The following PCDHAC1 variants were observed in gnomAD, a reference collection of about 807,000 sequenced individuals.
The protein encoded by PCDHAC1 is protocadherin alpha subfamily C, 1.
A neutral mutation model predicts 60.0 loss-of-function variants in PCDHAC1; 42 were observed. The observed-to-expected ratio is 0.70, with a 90% CI of 0.55 to 0.90. PCDHAC1 has a LOEUF of 0.90. Ranked by LOEUF, PCDHAC1 falls within the 40% of genes least tolerant of loss-of-function variation. The pLI, the probability that PCDHAC1 is intolerant of heterozygous loss-of-function variation, is 0.00. For missense variants in PCDHAC1, 1,160 were observed against 1,222.3 expected, an observed-to-expected ratio of 0.95 and a Z score of 0.76; for synonymous variants, 468 against 499.3, an observed-to-expected ratio of 0.94 and a Z score of 0.84.
At chr5:140,974,779 C>T (rs950634910) in intron 1 of PCDHAC1, among the ~76,000 whole-genome samples, 1 of 152,160 alleles carries the variant, frequency 6.6e-6, no homozygotes, top group African/African-American at 2.4e-5. Context: ...TGAGCCACTG[C>T]GCCCAGCCCT....
At chr5:140,951,542 A>AG (rs1554219955) in intron 1 of PCDHAC1, among the ~76,000 whole-genome samples, 1 of 151,820 alleles carries the variant, frequency 6.6e-6, no homozygotes, top group African/African-American at 2.4e-5. Context: ...GGAGCAAGGG[A>AG]CGGGGGGAAG....
At chr5:140,930,208 A>G (rs939593947) in intron 1 of PCDHAC1, 39 of 152,338 alleles carry the variant, frequency 2.6e-4, no homozygotes, top group African/African-American at 8.2e-4. Flanking sequence ...AGAAATATTT[A>G]TGTGTTCAAA....
chr5:140,979,144 T>C, intron 2 of PCDHAC1, 137 bp downstream of exon 2: 1 of 1,448,584 alleles, frequency 6.9e-7, no homozygotes. Flanking sequence ...GCAATTATTT[T>C]GTCCCCATGT....
intron 1 of PCDHAC1, among the ~76,000 whole-genome samples, chr5:140,941,270 T>C (rs1437273239): frequency 1.2e-4 from 17 of 136,774 alleles, no homozygotes; most frequent in Admixed American, 2.3e-4. Flanking sequence ...TCTTTCTTTC[T>C]TTCCTTCCTT....
At chr5:140,930,711 C>G (rs10214249) in intron 1 of PCDHAC1, among the ~76,000 whole-genome samples, 2,020 of 152,280 alleles carry the variant, frequency 0.013, 38 homozygotes, top group African/African-American at 0.046. Flanking sequence ...TATTCTTCCT[C>G]AAGTAATGAT....
chr5:140,947,704 G>T (rs1199039011), intron 1 of PCDHAC1, among the ~76,000 whole-genome samples: 2 of 151,488 alleles, frequency 1.3e-5, no homozygotes, highest in East Asian at 3.9e-4. Flanking sequence ...GTAGTTTTAA[G>T]TATTGAGGTT....
intron 1 of PCDHAC1, among the ~76,000 whole-genome samples, chr5:140,977,260 T>C (rs2096752693): frequency 6.6e-6 from 1 of 152,226 alleles, no homozygotes. Flanking sequence ...TCTCAGCAGA[T>C]GTTACAGTCT....
chr5:140,944,582 C>T (rs1273246926), intron 1 of PCDHAC1, among the ~76,000 whole-genome samples: 1 of 152,146 alleles, frequency 6.6e-6, no homozygotes, highest in Non-Finnish European at 1.5e-5. Flanking sequence ...GAGATCACTT[C>T]AGAATTTCCC....
At chr5:141,002,203 G>T (rs2153973237) in intron 3 of PCDHAC1, among the ~76,000 whole-genome samples, 1 of 152,296 alleles carries the variant, frequency 6.6e-6, no homozygotes, top group East Asian at 1.9e-4. Flanking sequence ...ATAGTCCCCG[G>T]CTTTAATCAA....
intron 1 of PCDHAC1, among the ~76,000 whole-genome samples, chr5:140,973,282 C>T (rs1554235080): frequency 2.6e-5 from 4 of 152,148 alleles, no homozygotes; most frequent in African/African-American, 7.2e-5. Context: ...TCCCCCAGCA[C>T]TGATTTTTCT....
At chr5:140,965,352 T>C (rs1474672624) in intron 1 of PCDHAC1, among the ~76,000 whole-genome samples, 1 of 152,166 alleles carries the variant, frequency 6.6e-6, no homozygotes, top group Admixed American at 6.5e-5. Context: ...GTTGCCTCTA[T>C]AGCAGTACAA....
chr5:140,971,468 A>C (rs938390548), intron 1 of PCDHAC1, among the ~76,000 whole-genome samples: 7 of 152,174 alleles, frequency 4.6e-5, no homozygotes, highest in African/African-American at 7.2e-5. Context: ...AGTTATAGGG[A>C]GAGAGTGTCA....
At chr5:140,954,592 T>G (rs1250050362) in intron 1 of PCDHAC1, among the ~76,000 whole-genome samples, 13 of 152,236 alleles carry the variant, frequency 8.5e-5, no homozygotes, top group Non-Finnish European at 5.9e-5. Flanking sequence ...TCTGTTCATG[T>G]TCTTTGCCCA....
At chr5:140,966,983 G>T (rs782294035) in intron 1 of PCDHAC1, 1 of 1,603,778 alleles carries the variant, frequency 6.2e-7, no homozygotes, top group Non-Finnish European at 8.5e-7. Flanking sequence ...GCGGCGCTTG[G>T]GGCCGGGTTG....
At position 140,978,997 on chromosome 5, in the gene PCDHAC1, G is replaced by C. The variant is rs782253140; in HGVS notation, c.2482G>C (p.Gly828Arg). The C allele has an allele frequency of 2.7e-5, 44 of 1,614,040 alleles. No individual in the cohort carries two copies. Among genetic ancestry groups the C allele is most frequent in the Non-Finnish European group, 3.6e-5 (43 of 1,180,028 alleles). ...GCGTTACTCTGCCTCCCTGAGAGCA[G>C]GCATGCACAGGTATGTATTTCCCTC... ...DWRYSASLRAGMHSSVHLEEA... is the reference protein window; with the variant it reads ...DWRYSASLRARMHSSVHLEEA... Residue 828 changes from glycine to arginine, a missense_variant, in exon 2 of 4, where the codon GGC becomes CGC. Transcript: ENST00000253807.
chr5:140,930,822 G>A (rs1338942917), intron 1 of PCDHAC1, among the ~76,000 whole-genome samples: 2 of 152,140 alleles, frequency 1.3e-5, no homozygotes, highest in Non-Finnish European at 2.9e-5. Context: ...CTTAGTAAAT[G>A]CTGACTGAAT....
At chr5:141,003,928 G>A (rs1479798792) in intron 3 of PCDHAC1, among the ~76,000 whole-genome samples, 1 of 152,128 alleles carries the variant, frequency 6.6e-6, no homozygotes, top group Non-Finnish European at 1.5e-5. Context: ...CCTCAGTCTT[G>A]TCTTTGCCTG....
At position 140,926,908 on chromosome 5, in the gene PCDHAC1, G is replaced by C. The variant is rs950305439; in HGVS notation, c.16G>C (p.Val6Leu). 2 of 1,560,316 alleles carry C rather than the reference G, an allele frequency of 1.3e-6. No homozygotes were observed. The highest frequency in any genetic ancestry group is 1.8e-5 in the Admixed American group (1 of 54,796). Reference sequence around the variant, plus strand: ...TAGAGGGAGGATGGTGGGCTGTGGGGTGGCAGTTTTATGTTTGTGGGTTTC... The same window carrying C: ...TAGAGGGAGGATGGTGGGCTGTGGGCTGGCAGTTTTATGTTTGTGGGTTTC... MVGCG[V>L]AVLCLWVSCG... The change falls in exon 1 of 4, where the codon GTG (valine) becomes CTG (leucine). Residue 6 changes from valine to leucine, a missense_variant. Physicochemically the swap from Val to Leu is conservative, Grantham distance 32. Transcript: ENST00000253807.
At chr5:141,000,513 C>G (rs1258002727) in intron 3 of PCDHAC1, among the ~76,000 whole-genome samples, 2 of 143,802 alleles carry the variant, frequency 1.4e-5, no homozygotes, top group African/African-American at 5.2e-5. Context: ...CTGCAACCTC[C>G]TTCTCCAGGG....
Sources: allele counts gnomAD v4.1 joint callset (sites outside exome capture counted in the v4.1 genomes callset), GRCh38; gene constraint gnomAD v4.1.1; transcripts MANE v1.5; gene names NCBI Gene and HGNC (gene_info 2026-07-23, HGNC 2026-07-21).